The following RNASET2 variants were observed in gnomAD, a reference collection of about 807,000 sequenced individuals.
RNASET2 encodes ribonuclease 6.
Under a neutral mutation model 33.9 loss-of-function variants are expected in RNASET2, and 28 were observed. That is an observed-to-expected ratio of 0.83 (90% confidence interval 0.61 to 1.13). The LOEUF (loss-of-function observed/expected upper bound fraction) is 1.13, where lower values mean the gene tolerates loss of function less well. Among genes scored for constraint, RNASET2 ranks in the 50% most tolerant of loss-of-function variants. The pLI is 0.00. For synonymous variants in RNASET2, 123 were observed against 121.0 expected, an observed-to-expected ratio of 1.02 and a Z score of -0.11; for missense variants, 330 against 319.9, an observed-to-expected ratio of 1.03 and a Z score of -0.24.
rs13202098 is a variant in RNASET2, at chr6:166,926,648, G to C, written c.*2940C>G. Among the ~76,000 whole-genome samples the C allele has an allele frequency of 0.095, 14,403 of 152,156 alleles. 810 individuals carry two copies. Among genetic ancestry groups the C allele is most frequent in the African/African-American group, 0.15 (6,332 of 41,488 alleles). On this transcript the variant is annotated 3_prime_UTR_variant, in exon 9 of 9. Transcript: ENST00000508775. The stretch of plus-strand genomic sequence containing the variant: ...CTCCCACTACTAGCTTGGAGAGAGG[G>C]ATTGCTTTCCAGGTGACAAAGCATT...
chr6:166,929,144 G>A lies in RNASET2; in HGVS notation c.*444C>T, dbSNP rs1178039867. On this transcript the variant is annotated 3_prime_UTR_variant, in exon 9 of 9. Transcript: ENST00000508775. ...CATGGAACAGACCCAGTCTGAGCTA[G>A]AGACACCCCCCAGGCCCACCAGGCA... 6.6e-6 allele frequency among the ~76,000 whole-genome samples: 1 copy of A among 152,228 alleles called. No homozygotes were observed. The highest frequency in any genetic ancestry group is 2.4e-5 in the African/African-American group (1 of 41,462).
chr6:166,932,059 A>G (rs570024725), intron 7 of RNASET2: 1 of 152,678 alleles, frequency 6.5e-6, no homozygotes, highest in East Asian at 1.9e-4. Flanking sequence ...CGAACTGTCC[A>G]TGCAGGGTCT....
chr6:166,930,742 G>A (rs1778409924), intron 8 of RNASET2, among the ~76,000 whole-genome samples: 1 of 140,776 alleles, frequency 7.1e-6, no homozygotes, highest in Non-Finnish European at 1.5e-5. Flanking sequence ...CCCACATAAT[G>A]TACACACATG....
intron 6 of RNASET2, among the ~76,000 whole-genome samples, chr6:166,936,814 G>C (rs1409222746): frequency 1.3e-5 from 2 of 152,248 alleles, no homozygotes; most frequent in Non-Finnish European, 2.9e-5. Flanking sequence ...TTCAACGAGT[G>C]TAAGTAGGAG....
intron 5 of RNASET2, among the ~76,000 whole-genome samples, chr6:166,942,134 C>A (rs988987462): frequency 1.3e-5 from 2 of 149,048 alleles, no homozygotes; most frequent in African/African-American, 5.0e-5. Flanking sequence ...CTCACTGCAA[C>A]CTCCATCCCC....
chr6:166,944,432 C>T (rs1215982185), intron 4 of RNASET2, among the ~76,000 whole-genome samples: 3 of 151,936 alleles, frequency 2.0e-5, no homozygotes, highest in Non-Finnish European at 4.4e-5. Flanking sequence ...ACAGCCCCTG[C>T]CTGTGTGGGC....
rs1293778400 is a variant in RNASET2 at position 166,956,273 on chromosome 6, G to T, written c.-91C>A. On this transcript the variant is annotated 5_prime_UTR_variant, in exon 1 of 9. Transcript: ENST00000508775. Reference sequence around the variant, plus strand: ...GAGGAAGACTTCCGGGAGAAACGCTGTCTCCGAGCCCCCGCGCCGCCGCGC... The same window carrying T: ...GAGGAAGACTTCCGGGAGAAACGCTTTCTCCGAGCCCCCGCGCCGCCGCGC... 2.4e-6 allele frequency: 3 copies of T among 1,250,894 alleles called. No individual in the cohort carries two copies. Among genetic ancestry groups the T allele is most frequent in the Non-Finnish European group, 3.4e-6 (3 of 876,662 alleles). 77.5% of individuals were successfully genotyped at this position (1,250,894 alleles called of 1,614,324 possible). A position where few individuals can be genotyped will look rare whatever the true frequency, so the allele number is the denominator to read the frequency against.
chr6:166,952,382 T>C lies in RNASET2; in HGVS notation c.147+106A>G. The C allele has an allele frequency of 3.0e-6, 3 of 990,952 alleles. No homozygotes were observed. In the South Asian group the frequency reaches 3.8e-5, roughly 13 times the overall value. The allele number at this position is 990,952 out of a possible 1,614,324, so 61.4% of individuals were successfully genotyped here. Reference sequence around the variant, plus strand: ...ACCGCCCACCCGCCAGAGCGATGCCTACCTCCCGCACCAGCAGCGTGGGTG... The same window carrying C: ...ACCGCCCACCCGCCAGAGCGATGCCCACCTCCCGCACCAGCAGCGTGGGTG... On this transcript the variant is annotated intron_variant, in intron 2 of 8. Coordinates refer to ENST00000508775, the MANE Select transcript of RNASET2 (RefSeq NM_003730.6).
Position 166,927,713 on chromosome 6 carries a change from C to CAAAAAAAAAAAAAAAAAA in RNASET2, c.*1857_*1874dup, listed in dbSNP as rs58837223. ...TGATCCCTGTGTTCGCAAAATGACT[C>CAAAAAAAAAAAAAAAAAA]AAAAAAAAAAAAAAAAAAAAAAAGA... is the stretch of plus-strand genomic sequence containing the variant. On this transcript the variant is annotated 3_prime_UTR_variant, in exon 9 of 9. Coordinates refer to ENST00000508775, the MANE Select transcript of RNASET2 (RefSeq NM_003730.6). Among the ~76,000 whole-genome samples, 11 of 47,338 alleles carry CAAAAAAAAAAAAAAAAAA rather than the reference C, an allele frequency of 2.3e-4. No individual in the cohort carries two copies. Among genetic ancestry groups the CAAAAAAAAAAAAAAAAAA allele is most frequent in the African/African-American group, 6.0e-4 (7 of 11,662 alleles). The allele number at this position is 47,338 out of a possible 152,430, so 31.1% of individuals were successfully genotyped here. A position where few individuals can be genotyped will look rare whatever the true frequency, so the allele number is the denominator to read the frequency against.
rs1778309840 is a variant in RNASET2 at position 166,926,586 on chromosome 6, A to T, written c.*3002T>A. Among the ~76,000 whole-genome samples, 1 of 151,940 alleles carries T rather than the reference A, an allele frequency of 6.6e-6. No individual in the cohort carries two copies. Among genetic ancestry groups the T allele is most frequent in the Non-Finnish European group, 1.5e-5 (1 of 67,976 alleles). Reference sequence around the variant, plus strand: ...AAAGATATCTAGTTCTGAATATGATACAATTGCTACTGTTAGTTATTCAAG... The same window carrying T: ...AAAGATATCTAGTTCTGAATATGATTCAATTGCTACTGTTAGTTATTCAAG... On this transcript the variant is annotated 3_prime_UTR_variant, in exon 9 of 9. Transcript: ENST00000508775.
chr6:166,953,976 C>T (rs1779047916), intron 1 of RNASET2, among the ~76,000 whole-genome samples: 1 of 151,778 alleles, frequency 6.6e-6, no homozygotes, highest in Admixed American at 6.6e-5. Context: ...ATAGTCGGAA[C>T]CTGAGGCTGG....
At chr6:166,943,429 G>C in intron 4 of RNASET2, 3 of 353,508 alleles carry the variant, frequency 8.5e-6, no homozygotes, top group Non-Finnish European at 1.7e-5. Context: ...ACATTGCTAA[G>C]TGCAAGAAGC....
chr6:166,933,785 A>G lies in RNASET2; in HGVS notation c.492+306T>C. The G allele has an allele frequency of 2.2e-6, 1 of 454,290 alleles. No homozygotes were observed. Among genetic ancestry groups the G allele is most frequent in the Non-Finnish European group, 3.9e-6 (1 of 253,938 alleles). 28.1% of individuals were successfully genotyped at this position (454,290 alleles called of 1,614,324 possible). On this transcript the variant is annotated intron_variant, in intron 7 of 8. Transcript: ENST00000508775. This position sits in a 1 kb window ranked among gnomAD's most constrained non-coding sequence, Gnocchi z 4.1. ...CCACAAACAAATATAAGACTACGTTATAAAAGTGAATGTGACTCTTGAAAC... is the reference window on the plus strand; with the variant it reads ...CCACAAACAAATATAAGACTACGTTGTAAAAGTGAATGTGACTCTTGAAAC...
intron 1 of RNASET2, among the ~76,000 whole-genome samples, chr6:166,955,302 ACACAC>A (rs1779112605): frequency 2.2e-5 from 1 of 45,634 alleles, no homozygotes; most frequent in Non-Finnish European, 3.8e-5. Context: ...ACAGACGCGC[ACACAC>A]GACACACACG....
At chr6:166,950,719 G>A (rs773004475) in intron 2 of RNASET2, among the ~76,000 whole-genome samples, 3 of 152,238 alleles carry the variant, frequency 2.0e-5, no homozygotes, top group Non-Finnish European at 4.4e-5. Flanking sequence ...CGCACTGAAG[G>A]GATGTGGGCA....
intron 1 of RNASET2, chr6:166,952,799 A>T (rs928368493): frequency 6.4e-6 from 3 of 469,302 alleles, no homozygotes; most frequent in Non-Finnish European, 1.2e-5. Context: ...AGGGGAGAGG[A>T]GGGGAAGCGG....
intron 7 of RNASET2, chr6:166,931,947 A>G: frequency 6.5e-6 from 1 of 153,606 alleles, no homozygotes. Flanking sequence ...TCCTTCACTT[A>G]TGGCGAGTTT....
chr6:166,929,768 A>G lies in RNASET2; in HGVS notation c.591T>C (p.Gly197=). The G allele has an allele frequency of 1.9e-6, 3 of 1,614,098 alleles. No individual in the cohort carries two copies. The highest frequency in any genetic ancestry group is 2.5e-6 in the Non-Finnish European group (3 of 1,180,004). Residue 197 remains glycine, a synonymous_variant, in exon 9 of 9, where the codon GGT becomes GGC. Coordinates refer to ENST00000508775, the MANE Select transcript of RNASET2 (RefSeq NM_003730.6). ...GCTTAGTGAGGCACAGTTCTATCTG[A>G]CCAATTGTCTGTACTTCCTCATCCT... The part of the protein sequence containing the change: ...PSQDEEVQTI[G]QIELCLTKQD...
chr6:166,937,335 C>T (rs571913123), intron 6 of RNASET2, among the ~76,000 whole-genome samples: 1 of 152,204 alleles, frequency 6.6e-6, no homozygotes, highest in Non-Finnish European at 1.5e-5. Flanking sequence ...TGGGATTTCA[C>T]CATGTTGGCC....
Sources: allele counts gnomAD v4.1 joint callset (sites outside exome capture counted in the v4.1 genomes callset), GRCh38; gene constraint gnomAD v4.1.1; non-coding constraint Gnocchi (gnomAD v3.1); transcripts MANE v1.5; gene names NCBI Gene and HGNC (gene_info 2026-07-23, HGNC 2026-07-21).